The following SPG21 variants were observed in gnomAD, a reference collection of about 807,000 sequenced individuals.
The protein encoded by SPG21 is maspardin.
SPG21 carries 26 observed loss-of-function variants against 38.9 expected under a neutral mutation model. The ratio of observed to expected loss-of-function variants is 0.67; its 90% CI spans 0.49 to 0.93. SPG21 has a LOEUF of 0.93. SPG21 is among the 40% of genes least tolerant of loss of function. The probability of loss-of-function intolerance (pLI) is 0.00; values close to 1 mark genes in which losing one functional copy is unlikely to be tolerated. For missense variants in SPG21, 333 were observed against 376.5 expected (o/e 0.88, Z 0.96); for synonymous variants, 136 against 128.9 (o/e 1.05, Z -0.37).
intron 3 of SPG21, among the ~76,000 whole-genome samples, chr15:64,979,736 C>T (rs2085848143): frequency 6.6e-6 from 1 of 151,410 alleles, no homozygotes; most frequent in African/African-American, 2.4e-5. Context: ...GCAGTACTCC[C>T]ACTGGGAGTA....
intron 2 of SPG21, among the ~76,000 whole-genome samples, chr15:64,982,129 T>C (rs1365072947): frequency 9.0e-6 from 1 of 111,128 alleles, no homozygotes; most frequent in Non-Finnish European, 1.9e-5. Flanking sequence ...ACTCACATTT[T>C]TTCTTTTCTT....
chr15:64,970,028 T>G, intron 6 of SPG21, 86 bp downstream of exon 6: 1 of 1,102,510 alleles, frequency 9.1e-7, no homozygotes, highest in Non-Finnish European at 1.4e-6. Flanking sequence ...TTACACATAC[T>G]TGTGAGACAG....
chr15:64,967,470 C>CT (rs34545889), intron 7 of SPG21, among the ~76,000 whole-genome samples: 81,461 of 143,776 alleles, frequency 0.57, 23,338 homozygotes, highest in East Asian at 0.83. Context: ...GCTAATTTTC[C>CT]TTTTTTTTTT....
intron 3 of SPG21, 83 bp from the exon 4 acceptor site, chr15:64,976,638 A>C: frequency 9.3e-7 from 1 of 1,079,782 alleles, no homozygotes; most frequent in Non-Finnish European, 1.4e-6. Context: ...TAGGACTCAA[A>C]CACTGACATT....
chr15:64,973,318 G>T (rs986562489), intron 5 of SPG21, among the ~76,000 whole-genome samples: 3 of 152,072 alleles, frequency 2.0e-5, no homozygotes, highest in Admixed American at 6.6e-5. Context: ...AATGAAAGAA[G>T]TGCACAGTAA....
At position 64,989,800 on chromosome 15, in the gene SPG21, G is replaced by A. The variant is rs1034068053; in HGVS notation, c.-160C>T. The stretch of plus-strand genomic sequence containing the variant: ...GCACTCGGGACCCACGGGCACAGCA[G>A]GCTGCGCGGTGCGTGCGGGAGGCCG... On this transcript the variant is annotated 5_prime_UTR_variant, in exon 1 of 9. Transcript: ENST00000204566. The A allele has an allele frequency of 6.6e-6, 1 of 151,754 alleles. No individual in the cohort carries two copies. The highest frequency in any genetic ancestry group is 2.4e-5 in the African/African-American group (1 of 40,942). The allele number at this position is 151,754 out of a possible 1,614,324, so 9.4% of individuals were successfully genotyped here.
rs1282555469 is a variant in SPG21 at position 64,970,181 on chromosome 15, A to G, written c.494T>C (p.Leu165Pro). 6.2e-7 allele frequency: 1 copy of G among 1,614,172 alleles called. No individual in the cohort carries two copies. Among genetic ancestry groups the G allele is most frequent in the Non-Finnish European group, 8.5e-7 (1 of 1,180,044 alleles). ...MPAFMLKKIV[L>P]GNFSSGPVDP... The stretch of plus-strand genomic sequence containing the variant: ...CACCGGGCCAGATGAAAAATTTCCA[A>G]GAACTATTTTTTTGAGCATAAATGC... The change falls in exon 6 of 9, where the codon CTT becomes CCT. Residue 165 changes from leucine to proline, a missense_variant. Leu to Pro is a moderately conservative substitution (Grantham distance 98, BLOSUM62 -3). Coordinates refer to ENST00000204566, the MANE Select transcript of SPG21 (RefSeq NM_016630.7).
At chr15:64,980,023 T>G (rs558975426) in intron 3 of SPG21, among the ~76,000 whole-genome samples, 1 of 152,308 alleles carries the variant, frequency 6.6e-6, no homozygotes, top group South Asian at 2.1e-4. Context: ...ATGAGCTAAT[T>G]AATGAATCTC....
At chr15:64,967,786 G>T (rs573377721) in intron 7 of SPG21, among the ~76,000 whole-genome samples, 8 of 152,062 alleles carry the variant, frequency 5.3e-5, no homozygotes, top group Non-Finnish European at 5.9e-5. Flanking sequence ...TTCTTTATTA[G>T]TAGTAGAGAC....
intron 2 of SPG21, 91 bp from the exon 3 acceptor site, chr15:64,981,116 A>T: frequency 6.7e-7 from 1 of 1,488,146 alleles, no homozygotes; most frequent in Admixed American, 1.8e-5. Flanking sequence ...CAATTTTACT[A>T]CTACTGCCTT....
chr15:64,967,734 G>A (rs2085571573), intron 7 of SPG21, among the ~76,000 whole-genome samples: 1 of 152,076 alleles, frequency 6.6e-6, no homozygotes, highest in South Asian at 2.1e-4. Flanking sequence ...GCCTCCCAAA[G>A]TTCTGGGATT....
chr15:64,973,155 G>C (rs1209747542), intron 5 of SPG21, among the ~76,000 whole-genome samples: 1 of 152,028 alleles, frequency 6.6e-6, no homozygotes, highest in Admixed American at 6.6e-5. Context: ...TATTTGTAGA[G>C]ATGGGGTCTC....
chr15:64,965,981 C>T (rs1295121326), intron 7 of SPG21, among the ~76,000 whole-genome samples: 8 of 152,018 alleles, frequency 5.3e-5, no homozygotes, highest in South Asian at 2.1e-4. Flanking sequence ...GGATTACAGG[C>T]GTGAGCCACC....
Position 64,980,980 on chromosome 15 carries a change from C to G in SPG21, c.109G>C (p.Ala37Pro). The change falls in exon 3 of 9, where the codon GCG (alanine) becomes CCG (proline). Residue 37 changes from alanine (A) to proline (P), a missense_variant. Transcript: ENST00000204566. ...GGACACCTGATACTTCGGGGGCCCG[C>G]GTCATAGAGCGACCATATCTTACTG... ...DDSKIWSLYDAGPRSIRCPLI... is the reference protein window; with the variant it reads ...DDSKIWSLYDPGPRSIRCPLI... The G allele has an allele frequency of 6.2e-7, 1 of 1,614,062 alleles. No individual in the cohort carries two copies. Among genetic ancestry groups the G allele is most frequent in the Non-Finnish European group, 8.5e-7 (1 of 1,180,014 alleles).
chr15:64,981,489 C>G (rs1356195915), intron 2 of SPG21: 1 of 174,710 alleles, frequency 5.7e-6, no homozygotes, highest in Non-Finnish European at 1.2e-5. Flanking sequence ...CGGGGTTTCA[C>G]CATATTGGTC....
chr15:64,989,847 G>C lies in SPG21; in HGVS notation c.-207C>G, dbSNP rs868853689. The C allele has an allele frequency of 2.6e-4, 37 of 143,800 alleles. 1 individual carries two copies. Among genetic ancestry groups the C allele is most frequent in the African/African-American group, 1.1e-3 (37 of 33,664 alleles). The allele number at this position is 143,800 out of a possible 1,614,324, so 8.9% of individuals were successfully genotyped here. On this transcript the variant is annotated 5_prime_UTR_variant, in exon 1 of 9. Coordinates refer to ENST00000204566, the MANE Select transcript of SPG21 (RefSeq NM_016630.7). ...GCCGGCCTCTGAGGGGGCGGGGCGC[G>C]TGGCCGAGCGAGCTTGGGCCGCCGC...
chr15:64,982,046 C>T (rs2085894689), intron 2 of SPG21, among the ~76,000 whole-genome samples: 2 of 152,138 alleles, frequency 1.3e-5, no homozygotes, highest in Non-Finnish European at 2.9e-5. Flanking sequence ...CTAACAGTTC[C>T]CTTTGGACTT....
chr15:64,977,363 CTTGT>C (rs1442539878), intron 3 of SPG21, among the ~76,000 whole-genome samples: 1 of 150,658 alleles, frequency 6.6e-6, no homozygotes, highest in Non-Finnish European at 1.5e-5. Flanking sequence ...CTCCACCCAG[CTTGT>C]TTGTTTTTGT....
intron 1 of SPG21, among the ~76,000 whole-genome samples, chr15:64,986,749 A>G (rs1236619515): frequency 6.6e-6 from 1 of 152,152 alleles, no homozygotes; most frequent in Admixed American, 6.6e-5. Flanking sequence ...AAACTAAGCC[A>G]TTTTAACTAT....
Sources: allele counts gnomAD v4.1 joint callset (sites outside exome capture counted in the v4.1 genomes callset), GRCh38; gene constraint gnomAD v4.1.1; transcripts MANE v1.5; gene names NCBI Gene and HGNC (gene_info 2026-07-23, HGNC 2026-07-21).